PAK1: variants seen among roughly 807,000 people sequenced by gnomAD.
The protein encoded by PAK1 is p21 (RAC1) activated kinase 1.
PAK1 carries 29 observed loss-of-function variants against 67.4 expected under a neutral mutation model. That is an observed-to-expected ratio of 0.43 (90% CI 0.32 to 0.59). PAK1 has a LOEUF of 0.59. Ranked by LOEUF, PAK1 falls within the 20% of genes least tolerant of loss-of-function variation. The pLI, the probability that PAK1 is intolerant of heterozygous loss-of-function variation, is 0.07. For missense variants in PAK1, 337 were observed against 670.7 expected (o/e 0.50, Z 5.50); for synonymous variants, 223 against 237.4 (o/e 0.94, Z 0.56).
At chr11:77,345,204 G>C (rs1750390098) in intron 9 of PAK1, among the ~76,000 whole-genome samples, 1 of 152,114 alleles carries the variant, frequency 6.6e-6, no homozygotes, top group African/African-American at 2.4e-5. Context: ...TTGAGGGCTT[G>C]ATTGAAAGCC....
chr11:77,453,090 C>T (rs1191140320), intron 1 of PAK1, among the ~76,000 whole-genome samples: 2 of 152,190 alleles, frequency 1.3e-5, no homozygotes, highest in African/African-American at 4.8e-5. Context: ...TGCGGTGGCT[C>T]ACGCCTGTAA....
At chr11:77,368,888 C>T (rs1014384007) in intron 5 of PAK1, among the ~76,000 whole-genome samples, 58 of 152,120 alleles carry the variant, frequency 3.8e-4, no homozygotes, top group Non-Finnish European at 2.4e-4. Flanking sequence ...AGTGAGTATT[C>T]TTAATCACCA....
intron 1 of PAK1, among the ~76,000 whole-genome samples, chr11:77,447,617 C>T (rs189649055): frequency 2.6e-5 from 4 of 152,138 alleles, no homozygotes; most frequent in African/African-American, 7.2e-5. Context: ...CTCCACCTCC[C>T]GGGTTCAAGC....
At chr11:77,440,147 T>C (rs1315490527) in intron 1 of PAK1, among the ~76,000 whole-genome samples, 1 of 152,254 alleles carries the variant, frequency 6.6e-6, no homozygotes, top group Admixed American at 6.5e-5. Context: ...AAAAGATCAT[T>C]TGAAAAATTT....
intron 1 of PAK1, among the ~76,000 whole-genome samples, chr11:77,457,662 C>G (rs549353066): frequency 1.3e-5 from 2 of 152,192 alleles, no homozygotes; most frequent in Non-Finnish European, 2.9e-5. Flanking sequence ...TTTCTAAGTT[C>G]TCATGAATGT....
intron 14 of PAK1, among the ~76,000 whole-genome samples, chr11:77,327,067 G>A (rs564555430): frequency 2.5e-4 from 38 of 152,286 alleles, no homozygotes; most frequent in African/African-American, 9.1e-4. Flanking sequence ...AATGAAGCGA[G>A]AAGAGAAGTT....
At chr11:77,346,337 A>G (rs974044231) in intron 9 of PAK1, among the ~76,000 whole-genome samples, 3 of 152,152 alleles carry the variant, frequency 2.0e-5, no homozygotes, top group Non-Finnish European at 2.9e-5. Context: ...AGCCCCACCT[A>G]TATAGGCTAG....
chr11:77,523,653 C>CAG, the PAK1 span, among the ~76,000 whole-genome samples: 1 of 152,122 alleles, frequency 6.6e-6, no homozygotes, highest in Admixed American at 6.5e-5. Flanking sequence ...CTCCTGACCT[C>CAG]GTGATCCTCC....
At chr11:77,514,753 G>A in the PAK1 span, among the ~76,000 whole-genome samples, 1 of 152,258 alleles carries the variant, frequency 6.6e-6, no homozygotes, top group South Asian at 2.1e-4. Flanking sequence ...CCTAACATGA[G>A]ATCAGCACAT....
the PAK1 span, among the ~76,000 whole-genome samples, chr11:77,527,547 C>G: frequency 6.6e-6 from 1 of 152,184 alleles, no homozygotes; most frequent in Non-Finnish European, 1.5e-5. Flanking sequence ...AGAGAAGTAA[C>G]TTGTCCAAGG....
intron 2 of PAK1, among the ~76,000 whole-genome samples, chr11:77,384,838 A>G (rs1360593986): frequency 6.6e-6 from 1 of 152,224 alleles, no homozygotes; most frequent in Admixed American, 6.5e-5. Context: ...CAATCTTATG[A>G]ATATACTAAA....
chr11:77,483,737 C>A, the PAK1 span, among the ~76,000 whole-genome samples: 1 of 152,158 alleles, frequency 6.6e-6, no homozygotes, highest in Non-Finnish European at 1.5e-5. Context: ...GCATGGCTAG[C>A]CATATGGAAG....
the PAK1 span, among the ~76,000 whole-genome samples, chr11:77,504,641 CT>C: frequency 6.6e-6 from 1 of 152,016 alleles, no homozygotes; most frequent in Non-Finnish European, 1.5e-5. Flanking sequence ...CAAATAATAC[CT>C]TAGTATTATT....
chr11:77,469,041 C>G (rs941505012), intron 1 of PAK1, among the ~76,000 whole-genome samples: 1 of 152,118 alleles, frequency 6.6e-6, no homozygotes, highest in Non-Finnish European at 1.5e-5. Context: ...CTTCACCAAG[C>G]CTTCTAATAC....
the PAK1 span, among the ~76,000 whole-genome samples, chr11:77,493,931 T>A: frequency 6.6e-6 from 1 of 152,188 alleles, no homozygotes; most frequent in African/African-American, 2.4e-5. Flanking sequence ...TTGATGTGTT[T>A]AAGAATATTC....
chr11:77,456,469 G>GC (rs1282383837), intron 1 of PAK1, among the ~76,000 whole-genome samples: 3 of 152,158 alleles, frequency 2.0e-5, no homozygotes, highest in Non-Finnish European at 4.4e-5. Context: ...TCTAGGTGCT[G>GC]AGGACAACAA....
chr11:77,435,979 C>G (rs1956114550), intron 1 of PAK1, among the ~76,000 whole-genome samples: 1 of 152,114 alleles, frequency 6.6e-6, no homozygotes, highest in Admixed American at 6.5e-5. Context: ...TAAGAAGGCG[C>G]TAGAGTATGT....
Position 77,355,786 on chromosome 11 carries a change from A to C in PAK1, c.654T>G (p.Ala218=), listed in dbSNP as rs931549245. 8 of 1,613,384 alleles carry C rather than the reference A, an allele frequency of 5.0e-6. No individual in the cohort carries two copies. In the African/African-American group the frequency reaches 9.3e-5, roughly 19 times the overall value. ...PLPVTPTRDV[A]TSPISPTENN... is the part of the protein sequence containing the mutation. ...TTTCAGTAGGTGAAATGGGAGATGT[A>C]GCCACGTCCCGAGTTGGAGTGACAG... The change falls in exon 7 of 15, where the codon GCT becomes GCG. Residue 218 remains alanine (A), a synonymous_variant. Transcript: ENST00000356341.
chr11:77,515,830 CA>C, the PAK1 span, among the ~76,000 whole-genome samples: 4 of 152,246 alleles, frequency 2.6e-5, no homozygotes, highest in Admixed American at 2.6e-4. Flanking sequence ...AGGTATACAC[CA>C]ATTCCAAGAG....
Sources: allele counts gnomAD v4.1 joint callset (sites outside exome capture counted in the v4.1 genomes callset), GRCh38; gene constraint gnomAD v4.1.1; transcripts MANE v1.5; gene names NCBI Gene and HGNC (gene_info 2026-07-23, HGNC 2026-07-21).